EXOC4: variants seen among roughly 807,000 people sequenced by gnomAD.
The protein encoded by EXOC4 is exocyst complex component 4.
EXOC4 carries 71 observed loss-of-function variants against 107.2 expected under a neutral mutation model. The ratio of observed to expected loss-of-function variants is 0.66; its 90% CI spans 0.55 to 0.81. The LOEUF (loss-of-function observed/expected upper bound fraction) is 0.81. Ranked by LOEUF, EXOC4 falls within the 30% of genes least tolerant of loss-of-function variation. The pLI, the probability that EXOC4 is intolerant of heterozygous loss-of-function variation, is 0.00. For missense variants in EXOC4, 1,108 were observed against 1,189.6 expected (o/e 0.93, Z 1.01); for synonymous variants, 456 against 441.2 (o/e 1.03, Z -0.42).
chr7:133,726,396 A>G (rs971208539), intron 10 of EXOC4, among the ~76,000 whole-genome samples: 9 of 152,220 alleles, frequency 5.9e-5, no homozygotes, highest in Non-Finnish European at 1.3e-4. Flanking sequence ...GTGCTGAGTC[A>G]ATGAATAACT....
chr7:133,319,449 T>C (rs1176145708), intron 5 of EXOC4, among the ~76,000 whole-genome samples: 1 of 152,180 alleles, frequency 6.6e-6, no homozygotes, highest in East Asian at 1.9e-4. Flanking sequence ...GCTAGGAGCA[T>C]TATGGAGACT....
At chr7:133,489,120 G>A (rs1252743401) in intron 9 of EXOC4, among the ~76,000 whole-genome samples, 3 of 151,572 alleles carry the variant, frequency 2.0e-5, no homozygotes, top group African/African-American at 7.3e-5. Context: ...TATCCTGTGT[G>A]ATAAAAAAAT....
intron 11 of EXOC4, among the ~76,000 whole-genome samples, chr7:133,866,328 C>T (rs1485339752): frequency 3.3e-5 from 5 of 152,144 alleles, no homozygotes; most frequent in Admixed American, 6.5e-5. Context: ...TACTCGGTAC[C>T]AGACATTGAC....
the EXOC4 span, among the ~76,000 whole-genome samples, chr7:134,086,830 C>T: frequency 6.6e-6 from 1 of 152,174 alleles, no homozygotes; most frequent in Non-Finnish European, 1.5e-5. Flanking sequence ...ATGGTTATTT[C>T]TTGATGATAT....
intron 5 of EXOC4, among the ~76,000 whole-genome samples, chr7:133,336,051 C>T (rs1431477354): frequency 2.0e-5 from 3 of 152,076 alleles, no homozygotes; most frequent in Admixed American, 1.3e-4. Flanking sequence ...GTTTTTGTTT[C>T]CGTTGAGTGG....
chr7:133,439,395 G>A (rs1254209078), intron 7 of EXOC4, among the ~76,000 whole-genome samples: 1 of 151,842 alleles, frequency 6.6e-6, no homozygotes, highest in Non-Finnish European at 1.5e-5. Flanking sequence ...ATGTTGGCCA[G>A]GATGGTCTGG....
chr7:134,085,885 A>G, the EXOC4 span, among the ~76,000 whole-genome samples: 3 of 152,202 alleles, frequency 2.0e-5, no homozygotes, highest in Non-Finnish European at 2.9e-5. Flanking sequence ...AAAAGCTCCA[A>G]CATATCACAA....
Position 133,363,504 on chromosome 7 carries a change from T to C in EXOC4, c.1007+6931T>C, listed in dbSNP as rs1002749817. 1.1e-4 allele frequency among the ~76,000 whole-genome samples: 17 copies of C among 152,210 alleles called. No individual in the cohort carries two copies. In the East Asian group the frequency reaches 2.9e-3, roughly 26 times the overall value. On this transcript the variant is annotated intron_variant, in intron 6 of 17. Transcript: ENST00000253861. The stretch of plus-strand genomic sequence containing the variant: ...GGACAGCTATCATTCTGGTTGTGTA[T>C]TGTCCTTTGGTTATAGTCATTAGAG...
intron 10 of EXOC4, among the ~76,000 whole-genome samples, chr7:133,779,417 A>C (rs1222886032): frequency 6.6e-6 from 1 of 152,240 alleles, no homozygotes; most frequent in African/African-American, 2.4e-5. Flanking sequence ...AAGAAGGAAC[A>C]CTTCAAATAT....
intron 10 of EXOC4, among the ~76,000 whole-genome samples, chr7:133,654,984 A>G (rs1025145197): frequency 2.6e-5 from 4 of 152,168 alleles, no homozygotes; most frequent in East Asian, 1.9e-4. Context: ...CCTTTACCCT[A>G]TGAATGTTGC....
intron 13 of EXOC4, among the ~76,000 whole-genome samples, chr7:133,933,127 C>T (rs1298038508): frequency 6.6e-6 from 1 of 151,468 alleles, no homozygotes; most frequent in African/African-American, 2.4e-5. Context: ...TTTTGAGCAT[C>T]TTTGGCAAAA....
intron 12 of EXOC4, among the ~76,000 whole-genome samples, chr7:133,908,107 A>C (rs1799609734): frequency 6.6e-6 from 1 of 152,228 alleles, no homozygotes; most frequent in Non-Finnish European, 1.5e-5. Context: ...GCAAGCAGCC[A>C]GTCCTCATTT....
intron 9 of EXOC4, among the ~76,000 whole-genome samples, chr7:133,575,207 A>T (rs1026977747): frequency 6.6e-6 from 1 of 152,130 alleles, no homozygotes; most frequent in Non-Finnish European, 1.5e-5. Context: ...CCGAGTCTTC[A>T]TCACCTGAAA....
chr7:133,912,406 T>G (rs561421702), intron 12 of EXOC4, among the ~76,000 whole-genome samples: 7 of 152,230 alleles, frequency 4.6e-5, no homozygotes, highest in Admixed American at 3.9e-4. Flanking sequence ...ACATTGGGGT[T>G]TTTCAAAGAG....
At chr7:133,752,652 A>G (rs551917277) in intron 10 of EXOC4, among the ~76,000 whole-genome samples, 1 of 152,344 alleles carries the variant, frequency 6.6e-6, no homozygotes, top group Admixed American at 6.5e-5. Flanking sequence ...TTTAAAAACA[A>G]AAAACAAAAA....
chr7:133,734,938 C>T lies in EXOC4; in HGVS notation c.1515-82387C>T, dbSNP rs1039006759. ...TATCGTAAATGTTAAAGGCCAGGCA[C>T]GGTGGCTCACGCCTGTAATCCCAGC... On this transcript the variant is annotated intron_variant, in intron 10 of 17. Coordinates refer to ENST00000253861, the MANE Select transcript of EXOC4 (RefSeq NM_021807.4). 5.3e-5 allele frequency among the ~76,000 whole-genome samples: 8 copies of T among 150,498 alleles called. No homozygotes were observed. In the East Asian group the frequency reaches 5.9e-4, roughly 11 times the overall value.
intron 17 of EXOC4, among the ~76,000 whole-genome samples, chr7:134,029,348 T>G (rs1270623958): frequency 6.6e-6 from 1 of 152,172 alleles, no homozygotes; most frequent in Non-Finnish European, 1.5e-5. Flanking sequence ...CCACGCACTT[T>G]ATAATTTCAT....
intron 9 of EXOC4, among the ~76,000 whole-genome samples, chr7:133,498,329 T>G (rs1799517236): frequency 6.6e-6 from 1 of 152,132 alleles, no homozygotes; most frequent in African/African-American, 2.4e-5. Context: ...CTCACGCCTG[T>G]AATCCCAGCA....
intron 10 of EXOC4, among the ~76,000 whole-genome samples, chr7:133,712,110 A>C (rs1794904751): frequency 1.3e-5 from 2 of 152,276 alleles, no homozygotes; most frequent in South Asian, 4.1e-4. Context: ...TAACATAAGA[A>C]TGCAAAATAA....
Sources: allele counts gnomAD v4.1 joint callset (sites outside exome capture counted in the v4.1 genomes callset), GRCh38; gene constraint gnomAD v4.1.1; transcripts MANE v1.5; gene names NCBI Gene and HGNC (gene_info 2026-07-23, HGNC 2026-07-21).